Variants in KIF16B observed in about 807,000 individuals in gnomAD.
KIF16B encodes the protein kinesin-like protein KIF16B.
A neutral mutation model predicts 156.3 loss-of-function variants in KIF16B; 98 were observed. The observed-to-expected ratio is 0.63, with a 90% CI of 0.53 to 0.74. The LOEUF (loss-of-function observed/expected upper bound fraction) is 0.74. Ranked by LOEUF, KIF16B falls within the 30% of genes least tolerant of loss-of-function variation. The pLI is 0.00. For missense variants in KIF16B, 1,421 were observed against 1,606.5 expected (o/e 0.88, Z 1.97); for synonymous variants, 564 against 583.7 (o/e 0.97, Z 0.49).
intron 23 of KIF16B, among the ~76,000 whole-genome samples, chr20:16,343,127 T>C (rs1392214571): frequency 1.3e-5 from 2 of 152,242 alleles, no homozygotes; most frequent in African/African-American, 2.4e-5. Flanking sequence ...TTACTGCATA[T>C]ATTTGAGGAG....
rs1214350319 is a variant in KIF16B at position 16,379,100 on chromosome 20, T to G, written c.2902A>C (p.Lys968Gln). 1 of 1,612,730 alleles carries G rather than the reference T, an allele frequency of 6.2e-7. No individual in the cohort carries two copies. The highest frequency in any genetic ancestry group is 1.3e-5 in the African/African-American group (1 of 74,942). The change falls in exon 19 of 26, where the codon AAG becomes CAG. Residue 968 changes from lysine (K) to glutamine (Q), a missense_variant. By Grantham distance (53) the Lys-to-Gln change is moderately conservative. Coordinates refer to ENST00000354981, the MANE Select transcript of KIF16B (RefSeq NM_024704.5). Reference protein sequence around the residue: ...QYQANANQLQKLQATFEFTAN... With the variant: ...QYQANANQLQQLQATFEFTAN... The stretch of plus-strand genomic sequence containing the variant: ...GTGAATTCAAAGGTGGCTTGGAGCT[T>G]TTGCAGCTGGTTTGCATTGGCCTGG...
chr20:16,446,101 A>G (rs1387599344), intron 12 of KIF16B, among the ~76,000 whole-genome samples: 1 of 152,186 alleles, frequency 6.6e-6, no homozygotes, highest in Non-Finnish European at 1.5e-5. Context: ...GTCCCATAAA[A>G]AGTGTAAGAG....
intron 12 of KIF16B, among the ~76,000 whole-genome samples, chr20:16,464,555 T>C (rs373823820): frequency 6.6e-6 from 1 of 152,108 alleles, no homozygotes; most frequent in East Asian, 1.9e-4. Context: ...AAAACAAACA[T>C]CAAACTTGTG....
At chr20:16,431,157 TGCCTCTGGCCC>T (rs2066488718) in intron 12 of KIF16B, among the ~76,000 whole-genome samples, 1 of 152,072 alleles carries the variant, frequency 6.6e-6, no homozygotes, top group South Asian at 2.1e-4. Flanking sequence ...CCGCAGCACG[TGCCTCTGGCCC>T]AAACCATCAT....
At chr20:16,452,178 G>A (rs1400753162) in intron 12 of KIF16B, among the ~76,000 whole-genome samples, 1 of 152,058 alleles carries the variant, frequency 6.6e-6, no homozygotes, top group Non-Finnish European at 1.5e-5. Flanking sequence ...GGGTGGAGAA[G>A]GGAGCAGTGA....
At chr20:16,448,611 CAAT>C (rs2066997367) in intron 12 of KIF16B, among the ~76,000 whole-genome samples, 1 of 152,138 alleles carries the variant, frequency 6.6e-6, no homozygotes, top group African/African-American at 2.4e-5. Flanking sequence ...CAACAAGCAA[CAAT>C]AATAATACCA....
At chr20:16,483,458 A>G (rs991062253) in intron 12 of KIF16B, among the ~76,000 whole-genome samples, 2 of 152,150 alleles carry the variant, frequency 1.3e-5, no homozygotes, top group African/African-American at 4.8e-5. Context: ...ACATAATTTC[A>G]TTTCTTTTCT....
chr20:16,547,861 A>G (rs2070475257), intron 1 of KIF16B, among the ~76,000 whole-genome samples: 1 of 151,976 alleles, frequency 6.6e-6, no homozygotes, highest in Non-Finnish European at 1.5e-5. Flanking sequence ...CCCAGCAGGG[A>G]CCCCCAACCC....
At chr20:16,408,151 T>G (rs1411349967) in intron 15 of KIF16B, among the ~76,000 whole-genome samples, 1 of 152,118 alleles carries the variant, frequency 6.6e-6, no homozygotes, top group East Asian at 1.9e-4. Context: ...TCAAGGGAGT[T>G]TCAAATTCAA....
intron 15 of KIF16B, among the ~76,000 whole-genome samples, chr20:16,419,524 A>G (rs1320192083): frequency 3.3e-5 from 5 of 152,118 alleles, no homozygotes; most frequent in Non-Finnish European, 5.9e-5. Context: ...CCCTCTGAGT[A>G]CTTGAATAGA....
intron 1 of KIF16B, among the ~76,000 whole-genome samples, chr20:16,533,537 T>C (rs1265937639): frequency 6.6e-6 from 1 of 152,222 alleles, no homozygotes; most frequent in Non-Finnish European, 1.5e-5. Flanking sequence ...TCACTAACCT[T>C]TGTTCTTTGA....
At chr20:16,404,995 G>A in intron 16 of KIF16B, 94 bp from the exon 17 acceptor site, 4 of 818,818 alleles carry the variant, frequency 4.9e-6, no homozygotes, top group African/African-American at 1.7e-5. Context: ...GAGACAATGA[G>A]GTGCACATGC....
chr20:16,381,526 T>G (rs993155717), intron 18 of KIF16B, among the ~76,000 whole-genome samples, 168 bp downstream of exon 18: 1 of 91,888 alleles, frequency 1.1e-5, no homozygotes. Flanking sequence ...AACCATCTAC[T>G]CCAAAAAAAA....
chr20:16,455,682 T>C (rs1318754807), intron 12 of KIF16B, among the ~76,000 whole-genome samples: 1 of 152,054 alleles, frequency 6.6e-6, no homozygotes, highest in Non-Finnish European at 1.5e-5. Flanking sequence ...CAGAAAAATT[T>C]AGAATAAGGA....
At chr20:16,401,633 C>A (rs1375174344) in intron 17 of KIF16B, among the ~76,000 whole-genome samples, 1 of 152,186 alleles carries the variant, frequency 6.6e-6, no homozygotes, top group Non-Finnish European at 1.5e-5. Flanking sequence ...AGCTTCCATT[C>A]TAATAGGAAG....
chr20:16,479,509 C>A (rs2067918082), intron 12 of KIF16B, among the ~76,000 whole-genome samples: 1 of 142,764 alleles, frequency 7.0e-6, no homozygotes, highest in South Asian at 2.1e-4. Flanking sequence ...ACATGTACCT[C>A]AGAACTTTAA....
chr20:16,327,068 TACAC>T lies in KIF16B; in HGVS notation c.3711+8854_3711+8857del, dbSNP rs35869892. Among the ~76,000 whole-genome samples, 204 of 143,014 alleles carry T rather than the reference TACAC, an allele frequency of 1.4e-3. 1 individual carries two copies. Among genetic ancestry groups the T allele is most frequent in the Middle Eastern group, 3.6e-3 (1 of 278 alleles). 93.8% of individuals were successfully genotyped at this position (143,014 alleles called of 152,430 possible). A position where few individuals can be genotyped will look rare whatever the true frequency, so the allele number is the denominator to read the frequency against. ...ATATATGTATGTATATGTATACATG[TACAC>T]ACACACACACACACACACACACACA... On this transcript the variant is annotated intron_variant, in intron 24 of 25. Transcript: ENST00000354981.
chr20:16,281,511 A>C (rs2063145844), intron 25 of KIF16B, among the ~76,000 whole-genome samples: 1 of 152,198 alleles, frequency 6.6e-6, no homozygotes, highest in South Asian at 2.1e-4. Flanking sequence ...TGATCCATCC[A>C]GTCAAGTCTT....
At chr20:16,277,123 A>G (rs187159402) in intron 25 of KIF16B, among the ~76,000 whole-genome samples, 1 of 152,298 alleles carries the variant, frequency 6.6e-6, no homozygotes, top group African/African-American at 2.4e-5. Flanking sequence ...CATTTGGGAT[A>G]TACTCTTTTG....
Sources: gnomAD v4.1 joint callset for allele counts (sites outside exome capture counted in the v4.1 genomes callset) on GRCh38, gnomAD v4.1.1 for gene constraint, MANE v1.5 for transcripts, NCBI Gene and HGNC (gene_info 2026-07-23, HGNC 2026-07-21) for gene names.